The following NAALADL2 variants were observed in gnomAD, a reference collection of about 807,000 sequenced individuals.
NAALADL2 encodes the protein N-acetylated alpha-linked acidic dipeptidase like 2.
Under a neutral mutation model 87.2 loss-of-function variants are expected in NAALADL2, and 76 were observed. The observed-to-expected ratio is 0.87, with a 90% CI of 0.72 to 1.05. The LOEUF (loss-of-function observed/expected upper bound fraction) is 1.05, where lower values mean the gene tolerates loss of function less well. Ranked by LOEUF, NAALADL2 falls within the 50% of genes least tolerant of loss-of-function variation. The probability of loss-of-function intolerance (pLI) is 0.00; values close to 1 mark genes in which losing one functional copy is unlikely to be tolerated. For synonymous variants in NAALADL2, 354 were observed against 331.0 expected (o/e 1.07, Z -0.75); for missense variants, 1,089 against 945.8 (o/e 1.15, Z -1.99).
At chr3:175,256,344 A>C in intron 3 of NAALADL2, 67 bp from the exon 4 acceptor site, 5 of 1,439,190 alleles carry the variant, frequency 3.5e-6, no homozygotes, top group Non-Finnish European at 4.7e-6. Flanking sequence ...TTGTTATACT[A>C]AATGGACAAT....
chr3:174,952,573 C>T (rs1740535158), intron 1 of NAALADL2, among the ~76,000 whole-genome samples: 1 of 152,048 alleles, frequency 6.6e-6, no homozygotes. Context: ...ACCATGACCT[C>T]AGTCTATTGA....
chr3:175,108,195 A>G (rs1214836915), intron 2 of NAALADL2, among the ~76,000 whole-genome samples: 4 of 151,900 alleles, frequency 2.6e-5, no homozygotes, highest in Non-Finnish European at 4.4e-5. Flanking sequence ...CATAATATGT[A>G]ACTTGTCCCC....
chr3:175,412,929 T>TATTATTATTATTATTATTA (rs1560510672), intron 5 of NAALADL2, among the ~76,000 whole-genome samples: 1 of 146,628 alleles, frequency 6.8e-6, no homozygotes, highest in Non-Finnish European at 1.5e-5. Context: ...TTATTATTAT[T>TATTATTATTATTATTATTA]TTTGAGACGG....
At chr3:174,703,245 TC>T (rs1729725923) in intron 2 of NAALADL2, among the ~76,000 whole-genome samples, 2 of 151,818 alleles carry the variant, frequency 1.3e-5, no homozygotes, top group African/African-American at 4.8e-5. Flanking sequence ...GCTCAAGTGA[TC>T]CTTCCACCTC....
intron 10 of NAALADL2, among the ~76,000 whole-genome samples, chr3:175,590,856 G>T (rs1019635896): frequency 1.3e-5 from 2 of 152,150 alleles, no homozygotes; most frequent in Non-Finnish European, 2.9e-5. Context: ...CAAGGACATA[G>T]TTTGAAAATT....
At chr3:175,480,047 C>G (rs755565975) in intron 9 of NAALADL2, among the ~76,000 whole-genome samples, 1 of 151,678 alleles carries the variant, frequency 6.6e-6, no homozygotes, top group African/African-American at 2.4e-5. Context: ...CTTTAGTCAA[C>G]ATTTATTTAT....
At chr3:175,208,887 T>C (rs1450648505) in intron 2 of NAALADL2, among the ~76,000 whole-genome samples, 3 of 152,186 alleles carry the variant, frequency 2.0e-5, no homozygotes, top group East Asian at 1.9e-4. Flanking sequence ...CAGGCGCAGA[T>C]TGAACTGTCC....
intron 2 of NAALADL2, among the ~76,000 whole-genome samples, chr3:175,168,879 A>C (rs550343600): frequency 6.6e-6 from 1 of 151,984 alleles, no homozygotes; most frequent in East Asian, 1.9e-4. Flanking sequence ...TGCTATCAAC[A>C]TTTAAGGGCT....
chr3:175,650,296 G>T lies in NAALADL2; in HGVS notation c.1896+22910G>T, dbSNP rs550546106. ...TTTATAGAGACAGAAAGCAGAGGTT[G>T]TCCAAGACTAGGTCTGGGGGACAGT... On this transcript the variant is annotated intron_variant, in intron 11 of 13. Transcript: ENST00000454872. 5.3e-5 allele frequency among the ~76,000 whole-genome samples: 8 copies of T among 152,278 alleles called. No individual in the cohort carries two copies. In the South Asian group the frequency reaches 1.7e-3, roughly 32 times the overall value.
At chr3:175,574,663 T>G (rs962697790) in intron 9 of NAALADL2, among the ~76,000 whole-genome samples, 1 of 152,166 alleles carries the variant, frequency 6.6e-6, no homozygotes, top group South Asian at 2.1e-4. Context: ...CTCTAGTAAG[T>G]CCACTTGCTT....
At chr3:175,312,204 C>G (rs68098539) in intron 4 of NAALADL2, among the ~76,000 whole-genome samples, 2 of 151,928 alleles carry the variant, frequency 1.3e-5, no homozygotes, top group South Asian at 4.2e-4. Context: ...ATTTGAGCTT[C>G]GGAAGTAAAA....
intron 1 of NAALADL2, among the ~76,000 whole-genome samples, chr3:175,063,509 T>C (rs1713956816): frequency 6.6e-6 from 1 of 151,876 alleles, no homozygotes; most frequent in Non-Finnish European, 1.5e-5. Flanking sequence ...CAGGGTCTTG[T>C]TCTGTCACCC....
At chr3:175,606,401 A>G (rs200924891) in intron 10 of NAALADL2, among the ~76,000 whole-genome samples, 1 of 135,532 alleles carries the variant, frequency 7.4e-6, no homozygotes, top group Admixed American at 7.6e-5. Flanking sequence ...TTTTTTTTGT[A>G]TATGAAAACG....
intron 1 of NAALADL2, among the ~76,000 whole-genome samples, chr3:175,020,645 C>G (rs1328179459): frequency 6.6e-6 from 1 of 152,030 alleles, no homozygotes; most frequent in Middle Eastern, 3.2e-3. Flanking sequence ...TACTTGTTTT[C>G]AGCTTTTTTC....
chr3:175,312,489 A>G (rs1286475292), intron 4 of NAALADL2, among the ~76,000 whole-genome samples: 2 of 151,872 alleles, frequency 1.3e-5, no homozygotes, highest in African/African-American at 2.4e-5. Flanking sequence ...TATAACTCTC[A>G]TAGTATTGAT....
chr3:174,957,073 G>A (rs1741249466), intron 1 of NAALADL2, among the ~76,000 whole-genome samples: 2 of 151,908 alleles, frequency 1.3e-5, no homozygotes, highest in South Asian at 4.1e-4. Context: ...CAAGCTACAA[G>A]GGATGCTTAT....
In NAALADL2 at chr3:174,585,012, A is replaced by G. The variant is rs191676877; in HGVS notation, c.-115+34375A>G. Among the ~76,000 whole-genome samples, 236 of 152,208 alleles carry G rather than the reference A, an allele frequency of 1.6e-3. 2 individuals are homozygous for G. Among genetic ancestry groups the G allele is most frequent in the African/African-American group, 5.6e-3 (232 of 41,528 alleles). ...AGTAACTCATTCTTAATATTCATGT[A>G]TATTTTCCCATTTTAAATGAAAGCA... On this transcript the variant is annotated intron_variant, in intron 2 of 3. Transcript: ENST00000434257.
intron 1 of NAALADL2, among the ~76,000 whole-genome samples, chr3:174,891,276 A>G (rs962608347): frequency 1.3e-5 from 2 of 152,070 alleles, no homozygotes; most frequent in Non-Finnish European, 2.9e-5. Flanking sequence ...TCCACCAATC[A>G]TCATCCCTTA....
At position 174,647,227 on chromosome 3, in the gene NAALADL2, C is replaced by T. The variant is rs144882743; in HGVS notation, c.-114-90414C>T. On this transcript the variant is annotated intron_variant, in intron 2 of 3. Coordinates refer to the NAALADL2 transcript ENST00000434257. ...ATTTATAGGTGGTGAAATTAGACTC[C>T]ATGAAGGTAAATTACTTGCTCAAGG... Among the ~76,000 whole-genome samples, 6 of 152,234 alleles carry T rather than the reference C, an allele frequency of 3.9e-5. No individual in the cohort carries two copies. In the East Asian group the frequency reaches 9.7e-4, roughly 25 times the overall value.
Sources: allele counts gnomAD v4.1 joint callset (sites outside exome capture counted in the v4.1 genomes callset), GRCh38; gene constraint gnomAD v4.1.1; transcripts MANE v1.5; gene names NCBI Gene and HGNC (gene_info 2026-07-23, HGNC 2026-07-21).